The following STK32C variants were observed in gnomAD, a reference collection of about 807,000 sequenced individuals.
The protein encoded by STK32C is serine/threonine kinase 32C, also known as serine/threonine-protein kinase 32C.
Under a neutral mutation model 56.5 loss-of-function variants are expected in STK32C, and 31 were observed. That is an observed-to-expected ratio of 0.55 (90% CI 0.41 to 0.74). The LOEUF (loss-of-function observed/expected upper bound fraction) is 0.74. Ranked by LOEUF, STK32C falls within the 30% of genes least tolerant of loss-of-function variation. The pLI is 0.00. For missense variants in STK32C, 544 were observed against 676.9 expected (o/e 0.80, Z 2.18); for synonymous variants, 309 against 289.4 (o/e 1.07, Z -0.69).
At chr10:132,278,236 A>T (rs2065045420) in intron 1 of STK32C, among the ~76,000 whole-genome samples, 1 of 152,020 alleles carries the variant, frequency 6.6e-6, no homozygotes, top group South Asian at 2.1e-4. Flanking sequence ...AGAAACTACA[A>T]ACCCAGCAAA....
At chr10:132,303,529 G>T (rs904541851) in intron 1 of STK32C, among the ~76,000 whole-genome samples, 1 of 152,198 alleles carries the variant, frequency 6.6e-6, no homozygotes, top group Non-Finnish European at 1.5e-5. Flanking sequence ...GCTGCTGAAG[G>T]CTCAGCCTGT....
At chr10:132,326,924 G>T (rs2066510718) in intron 1 of STK32C, among the ~76,000 whole-genome samples, 1 of 152,112 alleles carries the variant, frequency 6.6e-6, no homozygotes, top group South Asian at 2.1e-4. Context: ...ATTAATTACT[G>T]GAAAAACATC....
At chr10:132,230,439 G>A (rs1416810203) in intron 2 of STK32C, among the ~76,000 whole-genome samples, 1 of 152,206 alleles carries the variant, frequency 6.6e-6, no homozygotes, top group African/African-American at 2.4e-5. Context: ...AGAAGCAACG[G>A]TGCTTTCCTG....
rs774885441 is a variant in STK32C, at chr10:132,228,057, G to A, written c.390C>T (p.Ile130=). 1.6e-5 allele frequency: 26 copies of A among 1,613,886 alleles called. No individual in the cohort carries two copies. The Middle Eastern group carries it at 4.9e-4, about 31-fold the overall frequency. Residue 130 remains isoleucine (I), a synonymous_variant, in exon 3 of 12, where the codon ATC becomes ATT. Coordinates refer to ENST00000298630, the MANE Select transcript of STK32C (RefSeq NM_173575.4). The part of the protein sequence containing the change: ...AMKYMNKQQC[I]ERDEVRNVFR... ...AGACGTTGCGGACCTCGTCGCGCTC[G>A]ATGCACTGCTGCTTGTTCATGTACT...
At chr10:132,237,753 C>A (rs548380870) in intron 2 of STK32C, among the ~76,000 whole-genome samples, 2 of 152,242 alleles carry the variant, frequency 1.3e-5, no homozygotes, top group Non-Finnish European at 2.9e-5. Context: ...TGGCTTCACC[C>A]CTCTGCCCCT....
chr10:132,303,864 C>G (rs551218916), intron 1 of STK32C, among the ~76,000 whole-genome samples: 1 of 152,198 alleles, frequency 6.6e-6, no homozygotes, highest in South Asian at 2.1e-4. Context: ...CCGCCAGCTC[C>G]GCTGGCAGCA....
chr10:132,301,462 T>C (rs2065908414), intron 1 of STK32C, among the ~76,000 whole-genome samples: 1 of 152,154 alleles, frequency 6.6e-6, no homozygotes, highest in Non-Finnish European at 1.5e-5. Flanking sequence ...AGGAGGGTCC[T>C]GCCTGACACA....
chr10:132,276,624 A>G (rs1238035979), intron 1 of STK32C, among the ~76,000 whole-genome samples: 1 of 151,686 alleles, frequency 6.6e-6, no homozygotes, highest in Non-Finnish European at 1.5e-5. Flanking sequence ...CTCTGAAAAA[A>G]AAAAAGTTTT....
At chr10:132,242,067 G>A (rs1003818209) in intron 2 of STK32C, among the ~76,000 whole-genome samples, 3 of 151,194 alleles carry the variant, frequency 2.0e-5, no homozygotes, top group Admixed American at 6.6e-5. Context: ...CCGAGATCAC[G>A]CCACTGCACT....
chr10:132,244,215 CTG>C (rs916444685), intron 2 of STK32C, among the ~76,000 whole-genome samples: 3 of 152,326 alleles, frequency 2.0e-5, no homozygotes, highest in Admixed American at 6.5e-5. Context: ...GGAGGCCTAA[CTG>C]TGAGCCGGAA....
At position 132,288,820 on chromosome 10, in the gene STK32C, G is replaced by A. The variant is rs549900741; in HGVS notation, c.262+18752C>T. On this transcript the variant is annotated intron_variant, in intron 1 of 11. Transcript: ENST00000298630. ...AAATTAAAGAAGACCTCAATAAATGGAGAGATGTACCATGTTCATGGATTG... is the reference window on the plus strand; with the variant it reads ...AAATTAAAGAAGACCTCAATAAATGAAGAGATGTACCATGTTCATGGATTG... Among the ~76,000 whole-genome samples, 25 of 152,248 alleles carry A rather than the reference G, an allele frequency of 1.6e-4. No individual in the cohort carries two copies. The South Asian group carries it at 4.4e-3, about 27-fold the overall frequency.
chr10:132,270,183 A>G (rs2064770052), intron 1 of STK32C, among the ~76,000 whole-genome samples: 1 of 152,360 alleles, frequency 6.6e-6, no homozygotes, highest in East Asian at 1.9e-4. Context: ...CAATGGCTCC[A>G]GGGATGTCCA....
intron 1 of STK32C, among the ~76,000 whole-genome samples, chr10:132,287,008 T>G (rs1031921323): frequency 6.6e-6 from 1 of 152,254 alleles, no homozygotes; most frequent in South Asian, 2.1e-4. Context: ...TGAGTGAGTT[T>G]AAGCAAGGCT....
At chr10:132,249,094 A>AGCAGCAAG (rs1428485990) in intron 1 of STK32C, 6 of 476,266 alleles carry the variant, frequency 1.3e-5, no homozygotes, top group Non-Finnish European at 2.5e-5. Context: ...GCTGGGAGGC[A>AGCAGCAAG]GCAGCAAGGC....
At chr10:132,288,670 A>G (rs1219213556) in intron 1 of STK32C, among the ~76,000 whole-genome samples, 1 of 152,250 alleles carries the variant, frequency 6.6e-6, no homozygotes, top group East Asian at 1.9e-4. Flanking sequence ...ATGCACCAGC[A>G]ATAAAAATTT....
Position 132,222,716 on chromosome 10 carries a change from G to A in STK32C, c.1176C>T (p.Ser392=), listed in dbSNP as rs1438688167. 1 of 1,611,542 alleles carries A rather than the reference G, an allele frequency of 6.2e-7. No homozygotes were observed. Among genetic ancestry groups the A allele is most frequent in the Admixed American group, 1.7e-5 (1 of 59,628 alleles). The change falls in exon 10 of 12, where the codon TCC becomes TCT. Residue 392 remains serine, a synonymous_variant. Coordinates refer to ENST00000298630, the MANE Select transcript of STK32C (RefSeq NM_173575.4). ...GCTTCTTCTTCTTGTGCAGGGGCCT[G>A]GACTCCAGGATCATCTCCTCCAGCT... The part of the protein sequence containing the change: ...TFELEEMILE[S]RPLHKKKKRL...
downstream of STK32C, among the ~76,000 whole-genome samples, chr10:132,321,845 T>G (rs2066414093): frequency 6.6e-6 from 1 of 152,166 alleles, no homozygotes; most frequent in Non-Finnish European, 1.5e-5. Flanking sequence ...GTCCTGGCCT[T>G]TCCAGTGCTT....
In STK32C at chr10:132,207,815, A is replaced by C. The variant is rs943448744; in HGVS notation, c.*195T>G. 5 of 629,688 alleles carry C rather than the reference A, an allele frequency of 7.9e-6. No individual in the cohort carries two copies. In the African/African-American group the frequency reaches 9.5e-5, roughly 12 times the overall value. The allele number at this position is 629,688 out of a possible 1,614,324, so 39.0% of individuals were successfully genotyped here. A position where few individuals can be genotyped will look rare whatever the true frequency, so the allele number is the denominator to read the frequency against. On this transcript the variant is annotated 3_prime_UTR_variant, in exon 12 of 12. Transcript: ENST00000298630. ...GGGGCCCACGGGAAATGCCCTCCACAGGTGTCCCCTGCACCCACAGCCTCT... is the reference window on the plus strand; with the variant it reads ...GGGGCCCACGGGAAATGCCCTCCACCGGTGTCCCCTGCACCCACAGCCTCT...
Position 132,225,345 on chromosome 10 carries a change from CAGAA to C in STK32C, c.773-13_773-10del, listed in dbSNP as rs1323364480. On this transcript the variant is annotated splice_polypyrimidine_tract_variant and intron_variant, in intron 6 of 11. Coordinates refer to ENST00000298630, the MANE Select transcript of STK32C (RefSeq NM_173575.4). ...GTGGAAGATCTCCGGAGCTTTCCGACAGAAAGAAGGAAAAACAGCTGCCACGGGG... is the reference window on the plus strand; with the variant it reads ...GTGGAAGATCTCCGGAGCTTTCCGACAGAAGGAAAAACAGCTGCCACGGGG... 6 of 1,604,622 alleles carry C rather than the reference CAGAA, an allele frequency of 3.7e-6. No homozygotes were observed. The highest frequency in any genetic ancestry group is 5.1e-6 in the Non-Finnish European group (6 of 1,176,052).
Sources: allele counts gnomAD v4.1 joint callset (sites outside exome capture counted in the v4.1 genomes callset), GRCh38; gene constraint gnomAD v4.1.1; transcripts MANE v1.5; gene names NCBI Gene and HGNC (gene_info 2026-07-23, HGNC 2026-07-21).